CDH12: variants seen among roughly 807,000 people sequenced by gnomAD.
CDH12 encodes cadherin-12.
A neutral mutation model predicts 74.1 loss-of-function variants in CDH12; 41 were observed. That is an observed-to-expected ratio of 0.55 (90% CI 0.43 to 0.72). CDH12 has a LOEUF of 0.72. Among genes scored for constraint, CDH12 ranks in the 30% least tolerant of loss-of-function variants. The probability of loss-of-function intolerance (pLI) is 0.00; values close to 1 mark genes in which losing one functional copy is unlikely to be tolerated. For synonymous variants in CDH12, 399 were observed against 355.0 expected, an observed-to-expected ratio of 1.12 and a Z score of -1.39; for missense variants, 945 against 977.2, an observed-to-expected ratio of 0.97 and a Z score of 0.44.
intron 2 of CDH12, among the ~76,000 whole-genome samples, chr5:22,424,902 A>G (rs543478825): frequency 6.6e-6 from 1 of 151,988 alleles, no homozygotes; most frequent in Non-Finnish European, 1.5e-5. Flanking sequence ...ATCAGATATG[A>G]CATAAAAATG....
intron 4 of CDH12, among the ~76,000 whole-genome samples, chr5:22,103,642 T>C (rs1744272267): frequency 6.6e-6 from 1 of 152,262 alleles, no homozygotes; most frequent in Non-Finnish European, 1.5e-5. Flanking sequence ...ATTGCTTTAC[T>C]GATTAATACA....
At chr5:22,041,967 A>C (rs1739603891) in intron 5 of CDH12, among the ~76,000 whole-genome samples, 1 of 152,336 alleles carries the variant, frequency 6.6e-6, no homozygotes. Context: ...ATTTCTGACC[A>C]CAATGGTATG....
chr5:22,049,275 G>C (rs555867559), intron 5 of CDH12, among the ~76,000 whole-genome samples: 7 of 152,178 alleles, frequency 4.6e-5, no homozygotes, highest in Admixed American at 4.6e-4. Context: ...AAAATTATTT[G>C]TAAAAATTAT....
intron 2 of CDH12, among the ~76,000 whole-genome samples, chr5:22,476,512 G>A (rs546770127): frequency 5.8e-4 from 88 of 152,000 alleles, no homozygotes; most frequent in African/African-American, 2.0e-3. Flanking sequence ...AATAAATCAG[G>A]AACACCATTA....
At chr5:22,287,829 C>G (rs1248755652) in intron 3 of CDH12, among the ~76,000 whole-genome samples, 1 of 151,600 alleles carries the variant, frequency 6.6e-6, no homozygotes, top group African/African-American at 2.4e-5. Context: ...TTTCAGATTT[C>G]TTTTAATGGA....
At chr5:21,804,657 C>G (rs201041595) in intron 9 of CDH12, among the ~76,000 whole-genome samples, 2 of 141,660 alleles carry the variant, frequency 1.4e-5, no homozygotes, top group Non-Finnish European at 3.0e-5. Flanking sequence ...CACACACACA[C>G]ACACACACAC....
chr5:21,785,918 C>A (rs1194813478), intron 10 of CDH12, among the ~76,000 whole-genome samples: 1 of 152,118 alleles, frequency 6.6e-6, no homozygotes, highest in African/African-American at 2.4e-5. Flanking sequence ...CAAGAAGATG[C>A]CATCAAGGAC....
chr5:22,436,162 G>T (rs569476918), intron 2 of CDH12, among the ~76,000 whole-genome samples: 1 of 149,992 alleles, frequency 6.7e-6, no homozygotes, highest in Non-Finnish European at 1.5e-5. Flanking sequence ...GCAAACTATC[G>T]CAAGGACAAA....
rs186675195 is a variant in CDH12, at chr5:22,636,583, G to T, written c.-522-131219C>A. The stretch of plus-strand genomic sequence containing the variant: ...CTAGTTATTTAAAAAATGACACGTT[G>T]TTGAAGTAGATCTATATAAAAATGT... On this transcript the variant is annotated intron_variant, in intron 1 of 14. Transcript: ENST00000382254. 5.9e-5 allele frequency among the ~76,000 whole-genome samples: 9 copies of T among 152,276 alleles called. No individual in the cohort carries two copies. The East Asian group carries it at 1.5e-3, about 26-fold the overall frequency.
chr5:22,821,251 A>G (rs1749684168), intron 1 of CDH12, among the ~76,000 whole-genome samples: 1 of 152,186 alleles, frequency 6.6e-6, no homozygotes, highest in Non-Finnish European at 1.5e-5. Flanking sequence ...AATAAGAGCT[A>G]TCTATGACAA....
Position 22,853,229 on chromosome 5 carries a change from C to A in CDH12, c.-694G>T, listed in dbSNP as rs1737636694. 1 of 152,368 alleles carries A rather than the reference C, an allele frequency of 6.6e-6. No individual in the cohort carries two copies. Among genetic ancestry groups the A allele is most frequent in the East Asian group, 1.9e-4 (1 of 5,170 alleles). The allele number at this position is 152,368 out of a possible 1,614,324, so 9.4% of individuals were successfully genotyped here. A position where few individuals can be genotyped will look rare whatever the true frequency, so the allele number is the denominator to read the frequency against. On this transcript the variant is annotated 5_prime_UTR_variant, in exon 1 of 15. Transcript: ENST00000382254. ...TCCGTTTTCATTCAAAGAAGGTTCTCCAGGCCGGGCAGCCAGTAGACACCA... is the reference window on the plus strand; with the variant it reads ...TCCGTTTTCATTCAAAGAAGGTTCTACAGGCCGGGCAGCCAGTAGACACCA...
At chr5:21,820,840 G>A (rs369575614) in intron 8 of CDH12, among the ~76,000 whole-genome samples, 5 of 152,014 alleles carry the variant, frequency 3.3e-5, no homozygotes, top group African/African-American at 7.2e-5. Context: ...CACCGCCACC[G>A]TCTTCCAGGC....
intron 1 of CDH12, among the ~76,000 whole-genome samples, chr5:22,592,847 T>C (rs1309287387): frequency 6.6e-6 from 1 of 151,738 alleles, no homozygotes; most frequent in East Asian, 1.9e-4. Context: ...CTGTCCAACA[T>C]GGTGAAACCC....
intron 14 of CDH12, among the ~76,000 whole-genome samples, chr5:21,755,104 C>G (rs1205029103): frequency 6.6e-6 from 1 of 152,164 alleles, no homozygotes; most frequent in Non-Finnish European, 1.5e-5. Flanking sequence ...ACTTTACATT[C>G]TGTTTCTTTC....
chr5:21,787,611 CA>C (rs1204790933), intron 10 of CDH12, among the ~76,000 whole-genome samples: 1 of 152,024 alleles, frequency 6.6e-6, no homozygotes, highest in Non-Finnish European at 1.5e-5. Context: ...GCAATATATC[CA>C]GGGTATATCT....
intron 11 of CDH12, among the ~76,000 whole-genome samples, chr5:21,777,164 A>C (rs545656420): frequency 6.6e-6 from 1 of 152,304 alleles, no homozygotes; most frequent in East Asian, 1.9e-4. Context: ...TTCAATGTAC[A>C]AGGGAAATTA....
intron 2 of CDH12, among the ~76,000 whole-genome samples, chr5:22,462,866 T>C (rs1005590932): frequency 5.3e-5 from 8 of 152,198 alleles, no homozygotes; most frequent in Admixed American, 2.6e-4. Flanking sequence ...ATAAACACTG[T>C]TAATTTAGTT....
At chr5:22,139,292 T>C (rs558916104) in intron 4 of CDH12, 2 of 148,958 alleles carry the variant, frequency 1.3e-5, no homozygotes, top group South Asian at 2.1e-4. Context: ...CATTGCTCCA[T>C]TGGCAAATTA....
intron 2 of CDH12, among the ~76,000 whole-genome samples, chr5:22,435,257 T>C (rs1435743326): frequency 2.6e-5 from 4 of 152,086 alleles, no homozygotes; most frequent in African/African-American, 9.7e-5. Flanking sequence ...CTGTACTGGA[T>C]GCTTCCTGCC....
Sources: allele counts gnomAD v4.1 joint callset (sites outside exome capture counted in the v4.1 genomes callset), GRCh38; gene constraint gnomAD v4.1.1; transcripts MANE v1.5; gene names NCBI Gene and HGNC (gene_info 2026-07-23, HGNC 2026-07-21).